Variants in BCAS3 observed in about 807,000 individuals in gnomAD.
The protein encoded by BCAS3 is BCAS4/BCAS3 fusion.
BCAS3 carries 53 observed loss-of-function variants against 116.1 expected under a neutral mutation model. That is an observed-to-expected ratio of 0.46 (90% CI 0.37 to 0.57). BCAS3 has a LOEUF of 0.57. Ranked by LOEUF, BCAS3 falls within the 20% of genes least tolerant of loss-of-function variation. BCAS3 has a pLI of 0.00. For synonymous variants in BCAS3, 391 were observed against 408.2 expected (o/e 0.96, Z 0.51); for missense variants, 917 against 1,165.4 (o/e 0.79, Z 3.10).
intron 19 of BCAS3, among the ~76,000 whole-genome samples, chr17:61,070,972 G>GAAA (rs1035286463): frequency 2.6e-4 from 40 of 152,180 alleles, no homozygotes; most frequent in African/African-American, 9.2e-4. Context: ...CAAAAACTAA[G>GAAA]AAAAGTATTA....
Position 61,243,718 on chromosome 17 carries a change from G to A in BCAS3, c.2426-124609G>A, listed in dbSNP as rs920316810. ...CCTGCCAGAAATATCCATCATGGAC[G>A]AAGTGACTGCTAGAGACTTCAGGGA... On this transcript the variant is annotated intron_variant, in intron 22 of 23. Transcript: ENST00000407086. The surrounding 1 kb of genome is among the most constrained non-coding windows in gnomAD (Gnocchi z 5.6). 2.0e-5 allele frequency among the ~76,000 whole-genome samples: 3 copies of A among 152,126 alleles called. No homozygotes were observed. Among genetic ancestry groups the A allele is most frequent in the Non-Finnish European group, 2.9e-5 (2 of 68,004 alleles).
rs2064838097 is a variant in BCAS3 at position 61,008,007 on chromosome 17, G to A, written c.1487-7744G>A. ...ATTTGTCACCCAAACTGTTTGTTGT[G>A]TTTATAGTCTTTAAAAATGTGTGTC... On this transcript the variant is annotated intron_variant, in intron 15 of 23. Transcript: ENST00000407086. This position sits in a 1 kb window ranked among gnomAD's most constrained non-coding sequence, Gnocchi z 4.6. 1.3e-5 allele frequency among the ~76,000 whole-genome samples: 2 copies of A among 151,904 alleles called. No individual in the cohort carries two copies. Among genetic ancestry groups the A allele is most frequent in the South Asian group, 4.1e-4 (2 of 4,822 alleles).
chr17:60,735,488 C>G (rs1568130764), intron 5 of BCAS3, among the ~76,000 whole-genome samples: 1 of 151,916 alleles, frequency 6.6e-6, no homozygotes, highest in Non-Finnish European at 1.5e-5. Flanking sequence ...GGGTCTCACT[C>G]TGTCACCCAG....
intron 14 of BCAS3, among the ~76,000 whole-genome samples, chr17:60,986,397 G>T (rs2094599399): frequency 6.6e-6 from 1 of 152,108 alleles, no homozygotes; most frequent in African/African-American, 2.4e-5. Context: ...TCTAGTTGTA[G>T]TTTTTTCAGG....
chr17:60,898,967 T>A (rs935578921), intron 10 of BCAS3, among the ~76,000 whole-genome samples: 5 of 152,068 alleles, frequency 3.3e-5, no homozygotes, highest in African/African-American at 1.2e-4. Context: ...GGAGTGCTTA[T>A]GTACCCAAAG....
intron 14 of BCAS3, among the ~76,000 whole-genome samples, chr17:60,983,203 G>C (rs1053907245): frequency 1.3e-5 from 2 of 152,014 alleles, no homozygotes; most frequent in African/African-American, 4.8e-5. Flanking sequence ...AATCAGTAAT[G>C]CGACTCGACT....
chr17:60,834,762 T>C (rs1664799837), intron 7 of BCAS3, among the ~76,000 whole-genome samples: 1 of 151,956 alleles, frequency 6.6e-6, no homozygotes, highest in South Asian at 2.1e-4. Flanking sequence ...ATATGAAAAA[T>C]GACTCTGTAT....
At chr17:60,982,017 A>AAC (rs2062845898) in intron 14 of BCAS3, among the ~76,000 whole-genome samples, 1 of 152,222 alleles carries the variant, frequency 6.6e-6, no homozygotes. Flanking sequence ...TTATATGTGT[A>AAC]TGCACAAATG....
At position 61,132,361 on chromosome 17, in the gene BCAS3, T is replaced by G. The variant is rs2143877046; in HGVS notation, c.2425+47797T>G. Among the ~76,000 whole-genome samples the G allele has an allele frequency of 6.6e-6, 1 of 152,346 alleles. No individual in the cohort carries two copies. The highest frequency in any genetic ancestry group is 2.4e-5 in the African/African-American group (1 of 41,570). On this transcript the variant is annotated intron_variant, in intron 22 of 23. Transcript: ENST00000407086. This position sits in a 1 kb window ranked among gnomAD's most constrained non-coding sequence, Gnocchi z 5.1. The stretch of plus-strand genomic sequence containing the variant: ...AAACTACTTGAGTATAGGTGAGAAC[T>G]TGACAGATAATTATGGTTGCTTGAC...
intron 20 of BCAS3, 95 bp from the exon 21 acceptor site, chr17:61,078,238 A>T: frequency 1.0e-6 from 1 of 958,956 alleles, no homozygotes; most frequent in South Asian, 1.7e-5. Flanking sequence ...GGGCTTCTTG[A>T]AGAATGTGGG....
At chr17:61,107,179 C>T (rs1446319910) in intron 22 of BCAS3, among the ~76,000 whole-genome samples, 3 of 149,320 alleles carry the variant, frequency 2.0e-5, no homozygotes, top group East Asian at 2.0e-4. Context: ...CTCTGCCTCC[C>T]GGGTTCAAGT....
At chr17:61,266,702 C>T (rs1213788241) in intron 22 of BCAS3, among the ~76,000 whole-genome samples, 1 of 152,172 alleles carries the variant, frequency 6.6e-6, no homozygotes, top group Non-Finnish European at 1.5e-5. Context: ...ATTAGTATGA[C>T]TCACAGCCCT....
chr17:60,888,611 T>A (rs2056911071), intron 9 of BCAS3, among the ~76,000 whole-genome samples: 1 of 152,188 alleles, frequency 6.6e-6, no homozygotes, highest in East Asian at 1.9e-4. Flanking sequence ...ATTTTTAGTG[T>A]GTTTTTGTCC....
chr17:60,959,730 C>A (rs1405183058), intron 14 of BCAS3, among the ~76,000 whole-genome samples: 5 of 152,126 alleles, frequency 3.3e-5, no homozygotes, highest in Non-Finnish European at 7.3e-5. Flanking sequence ...AACAAATTGC[C>A]ATGAACTTGG....
chr17:60,912,767 A>G (rs914519833), intron 12 of BCAS3, among the ~76,000 whole-genome samples: 26 of 152,124 alleles, frequency 1.7e-4, no homozygotes, highest in African/African-American at 6.3e-4. Context: ...TTGTTCTTTG[A>G]TTTTTTGATT....
In BCAS3 at chr17:61,069,237, G is replaced by A. The variant is rs2071053077; in HGVS notation, c.2030-5683G>A. ...ATTGCAGATTTACAGGAAAAGGGAA[G>A]AGTAATAAAGCTACCCAGCCTGGGT... On this transcript the variant is annotated intron_variant, in intron 19 of 23. Coordinates refer to ENST00000407086, the MANE Select transcript of BCAS3 (RefSeq NM_017679.5). Among the ~76,000 whole-genome samples, 5 of 152,306 alleles carry A rather than the reference G, an allele frequency of 3.3e-5. No homozygotes were observed. The South Asian group carries it at 1.0e-3, about 32-fold the overall frequency.
chr17:60,914,085 GT>G (rs1322732633), intron 12 of BCAS3, among the ~76,000 whole-genome samples: 1 of 152,136 alleles, frequency 6.6e-6, no homozygotes, highest in East Asian at 1.9e-4. Flanking sequence ...CTTCTGAGGT[GT>G]TTTGTTCATG....
intron 11 of BCAS3, among the ~76,000 whole-genome samples, chr17:60,906,534 C>A (rs1203637863): frequency 6.6e-6 from 1 of 152,182 alleles, no homozygotes; most frequent in Non-Finnish European, 1.5e-5. Context: ...AAAAACACCA[C>A]TTAGTTTCTT....
chr17:60,745,580 G>C (rs1041141457), intron 5 of BCAS3, among the ~76,000 whole-genome samples: 8 of 151,954 alleles, frequency 5.3e-5, no homozygotes, highest in Admixed American at 5.2e-4. Context: ...TTTAAATTTT[G>C]TTCTATAATA....
Sources: allele counts gnomAD v4.1 joint callset (sites outside exome capture counted in the v4.1 genomes callset), GRCh38; gene constraint gnomAD v4.1.1; non-coding constraint Gnocchi (gnomAD v3.1); transcripts MANE v1.5; gene names NCBI Gene and HGNC (gene_info 2026-07-23, HGNC 2026-07-21).